STXBP5L: variants seen among roughly 807,000 people sequenced by gnomAD.
STXBP5L encodes syntaxin binding protein 5L.
In STXBP5L, 65 loss-of-function variants were observed where a neutral mutation model predicts 144.5. That is an observed-to-expected ratio of 0.45 (90% CI 0.37 to 0.55). STXBP5L has a LOEUF of 0.55. Among genes scored for constraint, STXBP5L ranks in the 20% least tolerant of loss-of-function variants. The pLI, the probability that STXBP5L is intolerant of heterozygous loss-of-function variation, is 0.00. For missense variants in STXBP5L, 1,298 were observed against 1,405.5 expected (o/e 0.92, Z 1.22); for synonymous variants, 505 against 469.6 (o/e 1.08, Z -0.97).
At chr3:121,142,892 G>C (rs972424357) in intron 7 of STXBP5L, among the ~76,000 whole-genome samples, 3 of 151,444 alleles carry the variant, frequency 2.0e-5, no homozygotes, top group Non-Finnish European at 3.0e-5. Flanking sequence ...CATTAGAGGA[G>C]AAATAAATGA....
chr3:121,053,592 A>G (rs948721280), intron 5 of STXBP5L, among the ~76,000 whole-genome samples: 1 of 152,214 alleles, frequency 6.6e-6, no homozygotes, highest in African/African-American at 2.4e-5. Flanking sequence ...TTAATTCAAG[A>G]TGGATTAAAG....
chr3:121,200,331 C>T (rs2048089459), intron 9 of STXBP5L, among the ~76,000 whole-genome samples: 1 of 151,868 alleles, frequency 6.6e-6, no homozygotes, highest in Non-Finnish European at 1.5e-5. Flanking sequence ...TGGTGATATC[C>T]CCTTTATCAT....
chr3:121,386,963 C>G (rs1323124310), intron 22 of STXBP5L, among the ~76,000 whole-genome samples: 1 of 152,132 alleles, frequency 6.6e-6, no homozygotes, highest in African/African-American at 2.4e-5. Context: ...AGTTCCAGAT[C>G]CTTGAGGAAT....
At chr3:121,326,602 G>A (rs2044157385) in intron 20 of STXBP5L, among the ~76,000 whole-genome samples, 1 of 152,008 alleles carries the variant, frequency 6.6e-6, no homozygotes, top group Non-Finnish European at 1.5e-5. Flanking sequence ...GGTATCTTCT[G>A]TATCAAGGAG....
chr3:121,028,497 A>G (rs1946122231), intron 3 of STXBP5L, among the ~76,000 whole-genome samples: 1 of 152,106 alleles, frequency 6.6e-6, no homozygotes, highest in Non-Finnish European at 1.5e-5. Flanking sequence ...TTCAAAAGTA[A>G]AGCTATCCAC....
At chr3:121,205,797 C>G in intron 9 of STXBP5L, 126 bp from the exon 10 acceptor site, 1 of 460,114 alleles carries the variant, frequency 2.2e-6, no homozygotes, top group Non-Finnish European at 3.8e-6. Context: ...TAAGTTTATC[C>G]TATTATGACA....
intron 19 of STXBP5L, among the ~76,000 whole-genome samples, chr3:121,283,482 C>T (rs1030138965): frequency 1.3e-5 from 2 of 152,010 alleles, no homozygotes; most frequent in African/African-American, 2.4e-5. Flanking sequence ...ATGTTGGCTT[C>T]TGCTGCTCCT....
intron 22 of STXBP5L, among the ~76,000 whole-genome samples, chr3:121,391,445 G>A (rs1354683876): frequency 6.6e-6 from 1 of 152,180 alleles, no homozygotes; most frequent in African/African-American, 2.4e-5. Flanking sequence ...AAGGAGCTGT[G>A]ATCCTTTGGA....
chr3:120,946,538 G>C (rs1037930624), intron 2 of STXBP5L, among the ~76,000 whole-genome samples: 1 of 151,636 alleles, frequency 6.6e-6, no homozygotes, highest in East Asian at 1.9e-4. Context: ...ATTGTTATCT[G>C]CTGAACTAAA....
chr3:120,956,670 A>T (rs1938070106), intron 3 of STXBP5L, among the ~76,000 whole-genome samples: 1 of 151,844 alleles, frequency 6.6e-6, no homozygotes, highest in African/African-American at 2.4e-5. Flanking sequence ...TGTTGCTTTT[A>T]GTTCTTTTGG....
chr3:120,945,472 A>G (rs1710798386), intron 2 of STXBP5L, among the ~76,000 whole-genome samples: 2 of 151,984 alleles, frequency 1.3e-5, no homozygotes, highest in South Asian at 4.1e-4. Flanking sequence ...CTGTGTTCAA[A>G]TATAGAAATG....
chr3:120,936,404 A>AC (rs1349141580), intron 2 of STXBP5L, among the ~76,000 whole-genome samples: 1 of 151,454 alleles, frequency 6.6e-6, no homozygotes, highest in African/African-American at 2.4e-5. Context: ...TAAAATGGAA[A>AC]AAAGGATGCA....
intron 15 of STXBP5L, among the ~76,000 whole-genome samples, chr3:121,252,997 C>T (rs990653438): frequency 3.3e-5 from 5 of 152,026 alleles, no homozygotes; most frequent in African/African-American, 1.2e-4. Context: ...GGCCTCAGTC[C>T]CTCTTTTAAG....
rs189399820 is a variant in STXBP5L, at chr3:120,939,720, C to T, written c.190-15220C>T. Among the ~76,000 whole-genome samples the T allele has an allele frequency of 5.3e-5, 8 of 152,214 alleles. 1 individual carries two copies. The highest frequency in any genetic ancestry group is 3.9e-4 in the Admixed American group (6 of 15,276). ...ACATAACGTTAAACATAACCCCATT[C>T]TTGTTTCTTTTAAGAAATACACTAT... On this transcript the variant is annotated intron_variant, in intron 2 of 26. Transcript: ENST00000471454.
chr3:121,318,478 T>C lies in STXBP5L; in HGVS notation c.2114T>C (p.Leu705Ser). 6.4e-7 allele frequency: 1 copy of C among 1,557,386 alleles called. No individual in the cohort carries two copies. Among genetic ancestry groups the C allele is most frequent in the Non-Finnish European group, 8.7e-7 (1 of 1,154,804 alleles). Reference protein sequence around the residue: ...PRKNKQFIAGLTELNDSPVPL... With the variant: ...PRKNKQFIAGSTELNDSPVPL... ...TTTTTTTTCATTGTATTTTCAGGTT[T>C]AACTGAACTGAATGACAGTCCAGTT... The change falls in exon 20 of 27, where the codon TTA becomes TCA. Residue 705 changes from leucine to serine, a missense_variant. Physicochemically the swap from Leu to Ser is moderately radical, Grantham distance 145 (BLOSUM62 -2). Coordinates refer to ENST00000471454, the MANE Select transcript of STXBP5L (RefSeq NM_001308330.2).
At chr3:120,949,676 C>A (rs193039609) in intron 2 of STXBP5L, among the ~76,000 whole-genome samples, 2 of 152,186 alleles carry the variant, frequency 1.3e-5, no homozygotes, top group East Asian at 3.9e-4. Context: ...ATAGGGTGTC[C>A]TTTCCCTACC....
chr3:121,310,479 G>A (rs561211408), intron 19 of STXBP5L, among the ~76,000 whole-genome samples: 110 of 150,632 alleles, frequency 7.3e-4, no homozygotes, highest in Admixed American at 3.8e-3. Flanking sequence ...GCATGGTGGC[G>A]GACACCTGTA....
chr3:121,116,848 A>C (rs902839971), intron 6 of STXBP5L, among the ~76,000 whole-genome samples: 4 of 151,998 alleles, frequency 2.6e-5, no homozygotes, highest in Admixed American at 2.6e-4. Context: ...GATATTGATA[A>C]AAACATACAG....
At chr3:121,389,908 G>T (rs1368029250) in intron 22 of STXBP5L, among the ~76,000 whole-genome samples, 1 of 152,176 alleles carries the variant, frequency 6.6e-6, no homozygotes, top group African/African-American at 2.4e-5. Flanking sequence ...ACGTCTGCTT[G>T]TTGCAGAGCT....
Sources: allele counts gnomAD v4.1 joint callset (sites outside exome capture counted in the v4.1 genomes callset), GRCh38; gene constraint gnomAD v4.1.1; transcripts MANE v1.5; gene names NCBI Gene and HGNC (gene_info 2026-07-23, HGNC 2026-07-21).